PCDHGA4: variants seen among roughly 807,000 people sequenced by gnomAD.
PCDHGA4 encodes protocadherin gamma-A4.
In PCDHGA4, 38 loss-of-function variants were observed where a neutral mutation model predicts 54.6. The ratio of observed to expected loss-of-function variants is 0.70; its 90% CI spans 0.54 to 0.91. The LOEUF (loss-of-function observed/expected upper bound fraction) is 0.91. Among genes scored for constraint, PCDHGA4 ranks in the 40% least tolerant of loss-of-function variants. The probability of loss-of-function intolerance (pLI) is 0.00; values close to 1 mark genes in which losing one functional copy is unlikely to be tolerated. For synonymous variants in PCDHGA4, 511 were observed against 512.9 expected (o/e 1.00, Z 0.05); for missense variants, 1,298 against 1,220.9 (o/e 1.06, Z -0.94).
chr5:141,360,751 A>G (rs1205028174), intron 1 of PCDHGA4: 1 of 1,614,000 alleles, frequency 6.2e-7, no homozygotes, highest in Non-Finnish European at 8.5e-7. Context: ...AGAAGAGCAC[A>G]GTTTACATCA....
At chr5:141,450,006 C>CTT (rs1554136305) in intron 1 of PCDHGA4, among the ~76,000 whole-genome samples, 6 of 132,984 alleles carry the variant, frequency 4.5e-5, no homozygotes, top group East Asian at 2.2e-4. Flanking sequence ...TGCCATGTCT[C>CTT]TTTTTTTTTT....
In PCDHGA4 at chr5:141,486,913, G is replaced by A. The variant is rs2099636995; in HGVS notation, c.2515-7894G>A. ...CTGGTTCCTTATGTCCCCAAGCACT[G>A]CCTCCATCAGTTGGTGCTGGCCACC... On this transcript the variant is annotated intron_variant, in intron 1 of 3. Transcript: ENST00000571252. The surrounding 1 kb of genome is among the most constrained non-coding windows in gnomAD (Gnocchi z 5.0). The A allele has an allele frequency of 1.9e-6, 3 of 1,614,092 alleles. No individual in the cohort carries two copies. The highest frequency in any genetic ancestry group is 1.3e-5 in the African/African-American group (1 of 74,938).
In PCDHGA4 at chr5:141,490,081, T is replaced by A; in HGVS notation, c.2515-4726T>A. Reference sequence around the variant, plus strand: ...CACCAACGGCCAACTAGACTATTCTTTTGGAGACCACACATCTGAGGCAGT... The same window carrying A: ...CACCAACGGCCAACTAGACTATTCTATTGGAGACCACACATCTGAGGCAGT... On this transcript the variant is annotated intron_variant, in intron 1 of 3. Coordinates refer to ENST00000571252, the MANE Select transcript of PCDHGA4 (RefSeq NM_018917.4). The surrounding 1 kb of genome is among the most constrained non-coding windows in gnomAD (Gnocchi z 5.4). 3 of 1,614,216 alleles carry A rather than the reference T, an allele frequency of 1.9e-6. No homozygotes were observed. Among genetic ancestry groups the A allele is most frequent in the Non-Finnish European group, 2.5e-6 (3 of 1,180,040 alleles).
intron 1 of PCDHGA4, chr5:141,400,753 T>C: frequency 1.7e-6 from 1 of 597,232 alleles, no homozygotes; most frequent in Non-Finnish European, 2.9e-6. Flanking sequence ...CTTAGCTTCC[T>C]CTCTAGCAAA....
At chr5:141,390,003 C>T in intron 1 of PCDHGA4, 1 of 1,614,056 alleles carries the variant, frequency 6.2e-7, no homozygotes, top group Non-Finnish European at 8.5e-7. Flanking sequence ...GGCCATGATT[C>T]TGGCCATTGC....
chr5:141,388,448 C>CA, intron 1 of PCDHGA4: 1 of 1,613,760 alleles, frequency 6.2e-7, no homozygotes, highest in Non-Finnish European at 8.5e-7. Context: ...AATCAGATGG[C>CA]AGTAAATACC....
chr5:141,402,714 T>G (rs1024254405), intron 1 of PCDHGA4, among the ~76,000 whole-genome samples: 2 of 152,220 alleles, frequency 1.3e-5, no homozygotes, highest in African/African-American at 4.8e-5. Flanking sequence ...TAGTAACGGC[T>G]TAGGACTCTG....
intron 1 of PCDHGA4, chr5:141,374,914 A>G: frequency 6.2e-7 from 1 of 1,613,906 alleles, no homozygotes; most frequent in African/African-American, 1.3e-5. Context: ...ACGGGGAAGT[A>G]ACTTATTCCT....
At chr5:141,395,521 T>C in intron 1 of PCDHGA4, 1 of 388,366 alleles carries the variant, frequency 2.6e-6, no homozygotes, top group East Asian at 5.0e-5. Context: ...TACCCGTCCA[T>C]ACTGGTAATT....
chr5:141,376,195 C>G, intron 1 of PCDHGA4: 1 of 1,614,172 alleles, frequency 6.2e-7, no homozygotes, highest in South Asian at 1.1e-5. Context: ...CCTGCGTCTT[C>G]CTGGCCTTCG....
chr5:141,505,270 G>C, intron 2 of PCDHGA4, 123 bp from the exon 3 acceptor site: 1 of 1,520,726 alleles, frequency 6.6e-7, no homozygotes, highest in African/African-American at 1.4e-5. Context: ...CTTGCTGAGA[G>C]AAACAGGTCT....
Position 141,410,164 on chromosome 5 carries a change from C to T in PCDHGA4, c.2514+52543C>T, listed in dbSNP as rs756470415. The T allele has an allele frequency of 4.4e-5, 71 of 1,613,642 alleles. No homozygotes were observed. The highest frequency in any genetic ancestry group is 5.8e-5 in the Non-Finnish European group (69 of 1,179,812). On this transcript the variant is annotated intron_variant, in intron 1 of 3. Transcript: ENST00000571252. ...TGCGTGACGGTGGACAGCCGCCACTCTCTGCCACCGCCACGCTTCATCTGG... is the reference window on the plus strand; with the variant it reads ...TGCGTGACGGTGGACAGCCGCCACTTTCTGCCACCGCCACGCTTCATCTGG...
chr5:141,486,019 T>C lies in PCDHGA4; in HGVS notation c.2515-8788T>C, dbSNP rs2078071. 3.2e-3 allele frequency: 5,143 copies of C among 1,613,986 alleles called. 141 individuals carry two copies. In the South Asian group the frequency reaches 0.046, roughly 14 times the overall value. ...GTGGTAACGTCACCTTTTATTTCAG[T>C]GGTCATACCCCTGATCGTGTAAGAA... On this transcript the variant is annotated intron_variant, in intron 1 of 3. Transcript: ENST00000571252. The surrounding 1 kb of genome is among the most constrained non-coding windows in gnomAD (Gnocchi z 5.0).
chr5:141,408,443 A>G (rs1486863170), intron 1 of PCDHGA4: 1 of 1,613,956 alleles, frequency 6.2e-7, no homozygotes, highest in Non-Finnish European at 8.5e-7. Flanking sequence ...AGACGCGGAG[A>G]GCGGGGACTT....
At chr5:141,438,630 A>ATG (rs2098034686) in intron 1 of PCDHGA4, among the ~76,000 whole-genome samples, 1 of 38,920 alleles carries the variant, frequency 2.6e-5, no homozygotes, top group Non-Finnish European at 4.2e-5. Flanking sequence ...ATATATATAT[A>ATG]TATATACACA....
chr5:141,390,097 C>T, intron 1 of PCDHGA4: 1 of 1,614,026 alleles, frequency 6.2e-7, no homozygotes, highest in Non-Finnish European at 8.5e-7. Context: ...TCCGTGGTTC[C>T]CCCCAACTAC....
chr5:141,497,739 A>G (rs1180122239), intron 2 of PCDHGA4, among the ~76,000 whole-genome samples: 1 of 152,118 alleles, frequency 6.6e-6, no homozygotes, highest in Admixed American at 6.6e-5. Flanking sequence ...GGGTTTCGCC[A>G]CGTTGGCCAG....
intron 1 of PCDHGA4, chr5:141,427,665 G>A (rs763897261): frequency 1.3e-5 from 10 of 782,298 alleles, no homozygotes; most frequent in Admixed American, 3.9e-5. Flanking sequence ...CCACGTGGCC[G>A]AAAACAACCT....
Position 141,420,255 on chromosome 5 carries a change from A to T in PCDHGA4, c.2514+62634A>T, listed in dbSNP as rs917458059. The T allele has an allele frequency of 2.5e-6, 4 of 1,569,630 alleles. No homozygotes were observed. The highest frequency in any genetic ancestry group is 1.4e-5 in the African/African-American group (1 of 73,152). On this transcript the variant is annotated intron_variant, in intron 1 of 3. Coordinates refer to ENST00000571252, the MANE Select transcript of PCDHGA4 (RefSeq NM_018917.4). ...ATTTTAACTCCCAGCGTTGAAGCAG[A>T]TAAGAAGATTCTTAAACAGGTAAGT...
Sources: gnomAD v4.1 joint callset for allele counts (sites outside exome capture counted in the v4.1 genomes callset) on GRCh38, gnomAD v4.1.1 for gene constraint, Gnocchi (gnomAD v3.1) non-coding constraint, MANE v1.5 for transcripts, NCBI Gene and HGNC (gene_info 2026-07-23, HGNC 2026-07-21) for gene names.